DIAPH3: variants seen among roughly 807,000 people sequenced by gnomAD.
DIAPH3 encodes the protein diaphanous related formin 3.
Under a neutral mutation model 144.3 loss-of-function variants are expected in DIAPH3, and 117 were observed. The observed-to-expected ratio is 0.81, with a 90% confidence interval of 0.70 to 0.95. The LOEUF (loss-of-function observed/expected upper bound fraction) is 0.95. Among genes scored for constraint, DIAPH3 ranks in the 40% least tolerant of loss-of-function variants. DIAPH3 has a pLI of 0.00. For missense variants in DIAPH3, 1,421 were observed against 1,412.7 expected, an observed-to-expected ratio of 1.01 and a Z score of -0.09; for synonymous variants, 519 against 488.9, an observed-to-expected ratio of 1.06 and a Z score of -0.81.
rs143220026 is a variant in DIAPH3 at position 59,784,941 on chromosome 13, T to C, written c.3164-10118A>G. On this transcript the variant is annotated intron_variant, in intron 25 of 27. Transcript: ENST00000400324. ...TTATAGAGATTTTTGGGAAAAAGAT[T>C]ATACAGCTTCTCTTGGTAACCCAGT... Among the ~76,000 whole-genome samples, 12 of 152,270 alleles carry C rather than the reference T, an allele frequency of 7.9e-5. No homozygotes were observed. The South Asian group carries it at 1.9e-3, about 24-fold the overall frequency.
intron 27 of DIAPH3, among the ~76,000 whole-genome samples, chr13:59,706,205 A>T (rs908362577): frequency 2.6e-5 from 4 of 152,176 alleles, no homozygotes; most frequent in Non-Finnish European, 5.9e-5. Context: ...AGGAATAATA[A>T]CAAGAAAAAA....
chr13:59,953,155 C>A (rs1380023525), intron 17 of DIAPH3, among the ~76,000 whole-genome samples: 1 of 152,046 alleles, frequency 6.6e-6, no homozygotes, highest in Admixed American at 6.6e-5. Flanking sequence ...TGAGTTAAGA[C>A]TTGAAGGTGG....
chr13:59,989,761 C>G (rs954458224), intron 12 of DIAPH3, among the ~76,000 whole-genome samples: 1 of 151,854 alleles, frequency 6.6e-6, no homozygotes, highest in Non-Finnish European at 1.5e-5. Context: ...AAGCTAGATA[C>G]AACCACATGC....
intron 27 of DIAPH3, among the ~76,000 whole-genome samples, chr13:59,737,486 T>C (rs1268507973): frequency 2.6e-5 from 4 of 152,186 alleles, no homozygotes; most frequent in African/African-American, 4.8e-5. Context: ...ATTGGGACTA[T>C]TGTTAAACAA....
At chr13:59,983,677 G>A (rs2051179420) in intron 13 of DIAPH3, 92 bp downstream of exon 13, 2 of 834,128 alleles carry the variant, frequency 2.4e-6, no homozygotes, top group African/African-American at 1.7e-5. Flanking sequence ...GCCCTCAGGA[G>A]TCCAGAGACA....
intron 22 of DIAPH3, among the ~76,000 whole-genome samples, chr13:59,845,198 A>C (rs561151227): frequency 1.3e-5 from 2 of 151,808 alleles, no homozygotes; most frequent in Non-Finnish European, 2.9e-5. Context: ...GGCATAAACC[A>C]CCACCTGGCT....
intron 4 of DIAPH3, among the ~76,000 whole-genome samples, chr13:60,051,070 G>C (rs1431240031): frequency 6.6e-6 from 1 of 152,090 alleles, no homozygotes; most frequent in Non-Finnish European, 1.5e-5. Context: ...ACCTTGAAAA[G>C]ACCCGTTTTA....
chr13:60,112,570 G>A (rs1354977668), intron 2 of DIAPH3, among the ~76,000 whole-genome samples: 2 of 152,054 alleles, frequency 1.3e-5, no homozygotes, highest in East Asian at 3.9e-4. Context: ...ACCCCCTCCT[G>A]GCCCCTCTGC....
intron 25 of DIAPH3, among the ~76,000 whole-genome samples, chr13:59,803,371 G>A (rs2040037884): frequency 6.6e-6 from 1 of 151,974 alleles, no homozygotes; most frequent in African/African-American, 2.4e-5. Context: ...TATGAAAATT[G>A]GCATTTAATC....
chr13:59,892,179 CATAGAT>C (rs2045842955), intron 20 of DIAPH3, among the ~76,000 whole-genome samples: 1 of 151,662 alleles, frequency 6.6e-6, no homozygotes, highest in Admixed American at 6.6e-5. Flanking sequence ...AAGAGGGTAA[CATAGAT>C]AGAGAATGAT....
At chr13:59,701,382 C>T (rs1177893351) in intron 27 of DIAPH3, among the ~76,000 whole-genome samples, 2 of 152,212 alleles carry the variant, frequency 1.3e-5, no homozygotes, top group Non-Finnish European at 2.9e-5. Context: ...GAGACATACA[C>T]AGCACTTTGG....
chr13:59,938,710 T>C (rs1463793267), intron 17 of DIAPH3, among the ~76,000 whole-genome samples: 3 of 152,026 alleles, frequency 2.0e-5, no homozygotes, highest in African/African-American at 7.3e-5. Flanking sequence ...ACTTCCCTAG[T>C]AGTATAAGGA....
intron 9 of DIAPH3, among the ~76,000 whole-genome samples, chr13:60,003,899 G>T (rs1028769234): frequency 6.6e-6 from 1 of 151,992 alleles, no homozygotes; most frequent in East Asian, 1.9e-4. Context: ...ATTCTTCAAG[G>T]CCTGAGAATA....
In DIAPH3 at chr13:59,861,498, T is replaced by A; in HGVS notation, c.2646A>T (p.Leu882=). ...CACATATTTCTACCAGGAAATGAAGTAGCGTTGTTTTCTGATCTGCTGATT... is the reference window on the plus strand; with the variant it reads ...CACATATTTCTACCAGGAAATGAAGAAGCGTTGTTTTCTGATCTGCTGATT... The part of the protein sequence containing the change: ...DTKSADQKTT[L]LHFLVEICEE... Residue 882 remains leucine, a synonymous_variant, in exon 22 of 28, where the codon CTA becomes CTT. Transcript: ENST00000400324. 1.2e-6 allele frequency: 2 copies of A among 1,613,822 alleles called. No individual in the cohort carries two copies. The highest frequency in any genetic ancestry group is 1.7e-6 in the Non-Finnish European group (2 of 1,179,876).
intron 10 of DIAPH3, 52 bp downstream of exon 10, chr13:59,992,421 C>A (rs1381064501): frequency 4.7e-5 from 67 of 1,419,488 alleles, no homozygotes; most frequent in Non-Finnish European, 6.2e-5. Flanking sequence ...TTTCCCCCTA[C>A]TCAAGTACTC....
At position 59,861,814 on chromosome 13, in the gene DIAPH3, C is replaced by A. The variant is rs528689598; in HGVS notation, c.2608-278G>T. Among the ~76,000 whole-genome samples the A allele has an allele frequency of 8.5e-5, 13 of 152,150 alleles. 1 individual carries two copies. In the East Asian group the frequency reaches 2.5e-3, roughly 29 times the overall value. ...GAAAATGCCTAGGAAAACAGAGTAA[C>A]CTATGAGTCTATTTAATAGTAGTAT... On this transcript the variant is annotated intron_variant, in intron 21 of 27. Coordinates refer to ENST00000400324, the MANE Select transcript of DIAPH3 (RefSeq NM_001042517.2).
chr13:59,884,743 GA>G (rs559279781), intron 20 of DIAPH3, among the ~76,000 whole-genome samples: 1 of 94,800 alleles, frequency 1.1e-5, no homozygotes, highest in African/African-American at 4.1e-5. Context: ...AGAATTCTCA[GA>G]AAAAAACACA....
At chr13:59,776,893 T>C (rs1391921103) in intron 25 of DIAPH3, among the ~76,000 whole-genome samples, 1 of 152,112 alleles carries the variant, frequency 6.6e-6, no homozygotes, top group Non-Finnish European at 1.5e-5. Flanking sequence ...GGATTGGATG[T>C]ATAGGTATTA....
intron 21 of DIAPH3, among the ~76,000 whole-genome samples, chr13:59,876,082 C>T (rs2044608549): frequency 6.6e-6 from 1 of 152,052 alleles, no homozygotes. Flanking sequence ...CATATAATTA[C>T]CCAGCATGTT....
Sources: allele counts gnomAD v4.1 joint callset (sites outside exome capture counted in the v4.1 genomes callset), GRCh38; gene constraint gnomAD v4.1.1; transcripts MANE v1.5; gene names NCBI Gene and HGNC (gene_info 2026-07-23, HGNC 2026-07-21).